Variants in GRM8 observed in about 807,000 individuals in gnomAD.
GRM8 encodes the protein metabotropic glutamate receptor 8.
GRM8 carries 47 observed loss-of-function variants against 87.2 expected under a neutral mutation model. The observed-to-expected ratio is 0.54, with a 90% CI of 0.43 to 0.69. The LOEUF (loss-of-function observed/expected upper bound fraction) is 0.69. GRM8 is among the 30% of genes least tolerant of loss of function. The pLI, the probability that GRM8 is intolerant of heterozygous loss-of-function variation, is 0.00. For missense variants in GRM8, 1,019 were observed against 1,139.2 expected (o/e 0.89, Z 1.52); for synonymous variants, 396 against 404.5 (o/e 0.98, Z 0.25).
chr7:127,029,312 G>T (rs1349361680), intron 3 of GRM8, among the ~76,000 whole-genome samples: 1 of 152,194 alleles, frequency 6.6e-6, no homozygotes. Context: ...ATATTCTGTT[G>T]ATTTGAGGTG....
At chr7:127,065,384 A>T (rs1448428007) in intron 3 of GRM8, among the ~76,000 whole-genome samples, 1 of 152,194 alleles carries the variant, frequency 6.6e-6, no homozygotes, top group Non-Finnish European at 1.5e-5. Flanking sequence ...GAGTGGGAGG[A>T]GGGACAGATG....
intron 8 of GRM8, among the ~76,000 whole-genome samples, chr7:126,544,464 G>A (rs908728055): frequency 6.6e-6 from 1 of 151,996 alleles, no homozygotes; most frequent in Non-Finnish European, 1.5e-5. Flanking sequence ...TACCTCACAA[G>A]GATGTTTGGA....
intron 9 of GRM8, among the ~76,000 whole-genome samples, chr7:126,494,920 G>A (rs1301846271): frequency 1.3e-5 from 2 of 151,998 alleles, no homozygotes; most frequent in African/African-American, 4.8e-5. Flanking sequence ...ATGACTGCTC[G>A]TGAATATGTT....
chr7:126,543,841 A>G (rs1816819792), intron 8 of GRM8, among the ~76,000 whole-genome samples: 1 of 152,216 alleles, frequency 6.6e-6, no homozygotes, highest in Admixed American at 6.5e-5. Flanking sequence ...AACGATGTAA[A>G]AACATGATCA....
chr7:126,801,106 T>A (rs1423843430), intron 6 of GRM8, among the ~76,000 whole-genome samples: 1 of 152,090 alleles, frequency 6.6e-6, no homozygotes, highest in Non-Finnish European at 1.5e-5. Flanking sequence ...ACGAAAAGTG[T>A]TAACCTCCCT....
At chr7:127,062,308 G>C (rs925226212) in intron 3 of GRM8, among the ~76,000 whole-genome samples, 7 of 152,152 alleles carry the variant, frequency 4.6e-5, no homozygotes, top group African/African-American at 1.4e-4. Context: ...GACTAAAAAG[G>C]ATACACCAAG....
chr7:126,627,944 G>C (rs1293510744), intron 7 of GRM8, among the ~76,000 whole-genome samples: 1 of 152,190 alleles, frequency 6.6e-6, no homozygotes, highest in African/African-American at 2.4e-5. Context: ...ACTTATGAGT[G>C]AGAAGGATCT....
At chr7:126,751,045 A>ATATG (rs2151541954) in intron 7 of GRM8, among the ~76,000 whole-genome samples, 1 of 131,196 alleles carries the variant, frequency 7.6e-6, no homozygotes, top group Admixed American at 7.8e-5. Context: ...CCTACTTTAT[A>ATATG]TTATTTTGAG....
intron 3 of GRM8, among the ~76,000 whole-genome samples, chr7:127,055,762 T>C (rs1819920801): frequency 6.6e-6 from 1 of 151,814 alleles, no homozygotes; most frequent in African/African-American, 2.4e-5. Context: ...CTGTTTCAAA[T>C]GTGTAACAAT....
At chr7:126,677,730 A>T (rs1279446885) in intron 7 of GRM8, among the ~76,000 whole-genome samples, 5 of 152,216 alleles carry the variant, frequency 3.3e-5, no homozygotes, top group African/African-American at 1.2e-4. Context: ...GGATAAAAAA[A>T]CTACCTATTA....
At position 126,532,943 on chromosome 7, in the gene GRM8, T is replaced by C; in HGVS notation, c.2430+9A>G. 1.3e-6 allele frequency: 2 copies of C among 1,564,642 alleles called. No individual in the cohort carries two copies. Among genetic ancestry groups the C allele is most frequent in the Non-Finnish European group, 8.7e-7 (1 of 1,146,310 alleles). On this transcript the variant is annotated intron_variant, in intron 9 of 10. Coordinates refer to ENST00000339582, the MANE Select transcript of GRM8 (RefSeq NM_000845.3). ...GAAAAAGTTGTCAAGTGTATTTCCT[T>C]CTACTTACCTTTTCTGCTGACTGGG...
At chr7:126,562,978 T>A (rs1793865337) in intron 8 of GRM8, among the ~76,000 whole-genome samples, 1 of 152,194 alleles carries the variant, frequency 6.6e-6, no homozygotes, top group African/African-American at 2.4e-5. Context: ...TAAAGAAATA[T>A]ATGGTTAACT....
intron 6 of GRM8, among the ~76,000 whole-genome samples, chr7:126,849,256 T>A (rs1361987): frequency 0.68 from 103,238 of 152,090 alleles, 35,689 homozygotes; most frequent in African/African-American, 0.82. Flanking sequence ...TTTACTGGAC[T>A]GTTGGTCTAG....
intron 7 of GRM8, among the ~76,000 whole-genome samples, chr7:126,713,626 A>C (rs1428930971): frequency 2.6e-5 from 4 of 151,084 alleles, no homozygotes; most frequent in African/African-American, 9.7e-5. Flanking sequence ...AAAAAAAAAA[A>C]GGTATGCCTG....
chr7:127,066,537 T>C (rs1586901870), intron 3 of GRM8, among the ~76,000 whole-genome samples: 1 of 152,182 alleles, frequency 6.6e-6, no homozygotes, highest in Admixed American at 6.5e-5. Context: ...AACTGACACA[T>C]AATTGTACAT....
At chr7:126,675,525 T>C (rs1806868327) in intron 7 of GRM8, among the ~76,000 whole-genome samples, 1 of 152,078 alleles carries the variant, frequency 6.6e-6, no homozygotes, top group Non-Finnish European at 1.5e-5. Context: ...CAATAGCACA[T>C]CATAAAAATA....
At position 127,130,536 on chromosome 7, in the gene GRM8, C is replaced by T. The variant is rs183741292; in HGVS notation, c.511-23824G>A. ...TGTTATGCTTTTGAAAAGAGACTGG[C>T]GGCATTTTGCCCCCGCCCTAGAGAT... is the stretch of plus-strand genomic sequence containing the variant. On this transcript the variant is annotated intron_variant, in intron 2 of 10. Transcript: ENST00000339582. Among the ~76,000 whole-genome samples, 160 of 152,244 alleles carry T rather than the reference C, an allele frequency of 1.1e-3. 3 individuals are homozygous for T. The highest frequency in any genetic ancestry group is 7.3e-3 in the Admixed American group (111 of 15,290).
chr7:126,807,406 C>G (rs1434789371), intron 6 of GRM8, among the ~76,000 whole-genome samples: 1 of 152,182 alleles, frequency 6.6e-6, no homozygotes, highest in African/African-American at 2.4e-5. Flanking sequence ...GCAGAGGTCT[C>G]CAAATGAAAT....
chr7:126,739,919 A>G (rs1814748176), intron 7 of GRM8, among the ~76,000 whole-genome samples: 1 of 152,062 alleles, frequency 6.6e-6, no homozygotes, highest in Non-Finnish European at 1.5e-5. Context: ...CCTAGGAGCA[A>G]TATGTACCAT....
Sources: gnomAD v4.1 joint callset for allele counts (sites outside exome capture counted in the v4.1 genomes callset) on GRCh38, gnomAD v4.1.1 for gene constraint, MANE v1.5 for transcripts, NCBI Gene and HGNC (gene_info 2026-07-23, HGNC 2026-07-21) for gene names.